The following CAMK4 variants were observed in gnomAD, a reference collection of about 807,000 sequenced individuals.
CAMK4 encodes calcium/calmodulin-dependent protein kinase type IV.
A neutral mutation model predicts 44.9 loss-of-function variants in CAMK4; 22 were observed. That is an observed-to-expected ratio of 0.49 (90% CI 0.35 to 0.70). CAMK4 has a LOEUF of 0.70. CAMK4 is among the 30% of genes least tolerant of loss of function. CAMK4 has a pLI of 0.01. For synonymous variants in CAMK4, 218 were observed against 215.4 expected (o/e 1.01, Z -0.11); for missense variants, 498 against 586.8 (o/e 0.85, Z 1.56).
At chr5:111,444,457 A>T (rs1012545589) in intron 5 of CAMK4, among the ~76,000 whole-genome samples, 2 of 152,178 alleles carry the variant, frequency 1.3e-5, no homozygotes, top group Non-Finnish European at 2.9e-5. Context: ...ATCCCCTGGC[A>T]GGAAACACTC....
intron 5 of CAMK4, among the ~76,000 whole-genome samples, chr5:111,395,589 G>T (rs1172505772): frequency 6.6e-6 from 1 of 152,034 alleles, no homozygotes; most frequent in African/African-American, 2.4e-5. Context: ...TTTTTTTAAG[G>T]AAGAAACATA....
chr5:111,398,877 C>T (rs1752119640), intron 5 of CAMK4, among the ~76,000 whole-genome samples: 1 of 152,148 alleles, frequency 6.6e-6, no homozygotes, highest in Non-Finnish European at 1.5e-5. Flanking sequence ...GTCCAGTCAG[C>T]CTATCTCCAA....
chr5:111,318,361 T>C (rs1420901151), intron 1 of CAMK4, among the ~76,000 whole-genome samples: 1 of 152,224 alleles, frequency 6.6e-6, no homozygotes, highest in African/African-American at 2.4e-5. Context: ...ATGTGGTTTC[T>C]GTTTTCTGAG....
intron 1 of CAMK4, among the ~76,000 whole-genome samples, chr5:111,259,065 T>C (rs1308215624): frequency 6.6e-6 from 1 of 152,168 alleles, no homozygotes; most frequent in African/African-American, 2.4e-5. Flanking sequence ...TTTGTACCTT[T>C]TCCAATTCTA....
intron 1 of CAMK4, among the ~76,000 whole-genome samples, chr5:111,248,171 G>A (rs1470942997): frequency 6.6e-6 from 1 of 152,146 alleles, no homozygotes; most frequent in Non-Finnish European, 1.5e-5. Context: ...CTGTTAAACT[G>A]TAAGCTCCTT....
At chr5:111,424,626 T>A (rs1018108402) in intron 5 of CAMK4, among the ~76,000 whole-genome samples, 5 of 151,706 alleles carry the variant, frequency 3.3e-5, no homozygotes, top group Middle Eastern at 3.4e-3. Context: ...TAAAAATATT[T>A]TTAGTAGAGA....
chr5:111,470,965 T>C (rs1339835170), intron 7 of CAMK4, among the ~76,000 whole-genome samples: 1 of 152,224 alleles, frequency 6.6e-6, no homozygotes, highest in African/African-American at 2.4e-5. Flanking sequence ...AAAAAAACCA[T>C]TGCCATGACA....
In CAMK4 at chr5:111,490,225, T is replaced by G. The variant is rs1211385679; in HGVS notation, c.*5759T>G. ...GTTTTCCCTGAGCTCTCTCTCAACT[T>G]TGACAGTTTGTGAATGATAAAAAGT... On this transcript the variant is annotated 3_prime_UTR_variant, in exon 11 of 11. Transcript: ENST00000282356. 1 of 152,204 alleles carries G rather than the reference T, an allele frequency of 6.6e-6. No individual in the cohort carries two copies. Among genetic ancestry groups the G allele is most frequent in the East Asian group, 1.9e-4 (1 of 5,200 alleles). 9.4% of individuals were successfully genotyped at this position (152,204 alleles called of 1,614,324 possible).
intron 1 of CAMK4, among the ~76,000 whole-genome samples, chr5:111,281,928 G>A: frequency 6.6e-6 from 1 of 151,666 alleles, no homozygotes; most frequent in East Asian, 1.9e-4. Context: ...CGAGGTGGCG[G>A]GCGCCTGTAG....
At chr5:111,394,668 A>T (rs1465075459) in intron 4 of CAMK4, 42 bp from the exon 5 acceptor site, 1 of 1,332,404 alleles carries the variant, frequency 7.5e-7, no homozygotes, top group Non-Finnish European at 1.1e-6. Flanking sequence ...CATTCTTCTG[A>T]ATGAATGTGC....
At chr5:111,415,021 AG>A (rs1408660120) in intron 5 of CAMK4, among the ~76,000 whole-genome samples, 3 of 152,240 alleles carry the variant, frequency 2.0e-5, no homozygotes, top group Non-Finnish European at 2.9e-5. Context: ...GACAAAAAAA[AG>A]AATAAGGAAG....
intron 1 of CAMK4, among the ~76,000 whole-genome samples, chr5:111,297,159 G>C (rs1200867255): frequency 5.9e-5 from 9 of 152,088 alleles, no homozygotes; most frequent in African/African-American, 2.2e-4. Flanking sequence ...AAATTTGCTT[G>C]GTTAGAATCA....
intron 7 of CAMK4, among the ~76,000 whole-genome samples, chr5:111,454,099 A>T (rs936657722): frequency 2.0e-5 from 3 of 152,184 alleles, no homozygotes; most frequent in Non-Finnish European, 4.4e-5. Context: ...AATATATATA[A>T]AGAAAAATTT....
At chr5:111,392,212 A>G (rs1353077381) in intron 4 of CAMK4, among the ~76,000 whole-genome samples, 1 of 152,162 alleles carries the variant, frequency 6.6e-6, no homozygotes, top group African/African-American at 2.4e-5. Flanking sequence ...CCAGTTCTGC[A>G]TGGCTGCAGA....
chr5:111,279,510 G>A (rs962338193), intron 1 of CAMK4, among the ~76,000 whole-genome samples: 1 of 151,310 alleles, frequency 6.6e-6, no homozygotes, highest in Admixed American at 6.6e-5. Context: ...AATTTTCTCA[G>A]AGAGTGATCT....
chr5:111,387,268 C>T (rs1300481640), intron 4 of CAMK4, among the ~76,000 whole-genome samples: 2 of 152,058 alleles, frequency 1.3e-5, no homozygotes, highest in African/African-American at 4.8e-5. Flanking sequence ...GAGTATATTT[C>T]GTATAAAGCT....
intron 7 of CAMK4, among the ~76,000 whole-genome samples, chr5:111,460,325 T>C (rs1754601272): frequency 7.1e-6 from 1 of 141,628 alleles, no homozygotes; most frequent in African/African-American, 2.6e-5. Flanking sequence ...TGGAGTGCAG[T>C]GGTGCAATCG....
At chr5:111,397,720 A>G (rs1752074134) in intron 5 of CAMK4, among the ~76,000 whole-genome samples, 1 of 147,048 alleles carries the variant, frequency 6.8e-6, no homozygotes, top group Non-Finnish European at 1.5e-5. Context: ...GGATTCATGT[A>G]CTTTTTCATG....
intron 5 of CAMK4, among the ~76,000 whole-genome samples, chr5:111,429,107 C>A (rs1411119027): frequency 6.6e-6 from 1 of 151,736 alleles, no homozygotes; most frequent in African/African-American, 2.4e-5. Flanking sequence ...GCAAACCAAA[C>A]CTAAACTTAG....
Sources: gnomAD v4.1 joint callset for allele counts (sites outside exome capture counted in the v4.1 genomes callset) on GRCh38, gnomAD v4.1.1 for gene constraint, MANE v1.5 for transcripts, NCBI Gene and HGNC (gene_info 2026-07-23, HGNC 2026-07-21) for gene names.